NEGR1: variants seen among roughly 807,000 people sequenced by gnomAD.
The protein encoded by NEGR1 is IgLON family member 4.
A neutral mutation model predicts 40.9 loss-of-function variants in NEGR1; 10 were observed. That is an observed-to-expected ratio of 0.24 (90% CI 0.15 to 0.42). NEGR1 has a LOEUF of 0.42. Among genes scored for constraint, NEGR1 ranks in the 10% least tolerant of loss-of-function variants. The pLI is 1.00. For missense variants in NEGR1, 352 were observed against 438.9 expected (o/e 0.80, Z 1.77); for synonymous variants, 185 against 166.8 (o/e 1.11, Z -0.84).
intron 1 of NEGR1, among the ~76,000 whole-genome samples, chr1:72,177,210 A>G (rs1314453917): frequency 6.6e-6 from 1 of 152,092 alleles, no homozygotes; most frequent in East Asian, 1.9e-4. Context: ...TGAGGCAAGA[A>G]GAAGGTATGC....
At chr1:71,909,077 T>C (rs901688057) in intron 2 of NEGR1, among the ~76,000 whole-genome samples, 1 of 152,180 alleles carries the variant, frequency 6.6e-6, no homozygotes. Flanking sequence ...GCTGCTGAGA[T>C]ACTTGAAGAA....
chr1:71,691,710 C>T (rs1653287390), intron 4 of NEGR1, among the ~76,000 whole-genome samples: 1 of 151,736 alleles, frequency 6.6e-6, no homozygotes, highest in African/African-American at 2.4e-5. Context: ...ACTCTCACCT[C>T]ATCCGGTCCT....
chr1:71,426,354 G>T (rs1175775835), intron 6 of NEGR1, among the ~76,000 whole-genome samples: 1 of 152,102 alleles, frequency 6.6e-6, no homozygotes, highest in Non-Finnish European at 1.5e-5. Flanking sequence ...ACAGAGAAAA[G>T]AATAAATGTA....
chr1:72,162,839 C>T (rs1651626897), intron 1 of NEGR1, among the ~76,000 whole-genome samples: 1 of 152,126 alleles, frequency 6.6e-6, no homozygotes, highest in African/African-American at 2.4e-5. Flanking sequence ...GTTCATTAAA[C>T]AACAAATACT....
rs191039586 is a variant in NEGR1 at position 71,847,496 on chromosome 1, T to C, written c.410-71199A>G. On this transcript the variant is annotated intron_variant, in intron 2 of 6. Transcript: ENST00000357731. ...GTTTTAAGCATTTTCATAATTATTA[T>C]ACGTGTTTTAGTGATTTGTGATCAG... 3.3e-3 allele frequency among the ~76,000 whole-genome samples: 498 copies of C among 152,322 alleles called. 3 individuals are homozygous for C. The highest frequency in any genetic ancestry group is 3.8e-3 in the Non-Finnish European group (261 of 68,030).
chr1:71,641,971 T>C (rs572092358), intron 4 of NEGR1, among the ~76,000 whole-genome samples: 2 of 152,178 alleles, frequency 1.3e-5, no homozygotes, highest in African/African-American at 4.8e-5. Flanking sequence ...ATGATCCATA[T>C]GCTTGGGGCC....
intron 1 of NEGR1, among the ~76,000 whole-genome samples, chr1:72,177,776 T>G (rs1364293380): frequency 3.3e-4 from 50 of 151,888 alleles, no homozygotes; most frequent in Admixed American, 3.0e-3. Flanking sequence ...TTTTGTTTTT[T>G]TTTTTTTGCT....
At chr1:71,499,539 AC>A (rs1393771049) in intron 6 of NEGR1, among the ~76,000 whole-genome samples, 3 of 148,918 alleles carry the variant, frequency 2.0e-5, no homozygotes, top group African/African-American at 7.3e-5. Context: ...ATTAGTGTTT[AC>A]CATATGCTGG....
intron 1 of NEGR1, among the ~76,000 whole-genome samples, chr1:72,131,858 A>T (rs1650265586): frequency 6.6e-6 from 1 of 152,118 alleles, no homozygotes; most frequent in East Asian, 1.9e-4. Flanking sequence ...GCACTTTGGG[A>T]GGCTGAGATG....
chr1:71,985,003 T>A (rs1302765882), intron 1 of NEGR1, among the ~76,000 whole-genome samples: 1 of 152,150 alleles, frequency 6.6e-6, no homozygotes, highest in Non-Finnish European at 1.5e-5. Flanking sequence ...ATTTTTCAGA[T>A]GAGGAACTTG....
At chr1:71,907,547 T>C (rs1281248050) in intron 2 of NEGR1, among the ~76,000 whole-genome samples, 1 of 152,132 alleles carries the variant, frequency 6.6e-6, no homozygotes, top group Non-Finnish European at 1.5e-5. Flanking sequence ...GAAACACTAA[T>C]ATATTGTTGG....
At chr1:71,817,722 G>GTAGTGA (rs1457752234) in intron 2 of NEGR1, among the ~76,000 whole-genome samples, 1 of 152,068 alleles carries the variant, frequency 6.6e-6, no homozygotes, top group Non-Finnish European at 1.5e-5. Context: ...GTGTGAGGAT[G>GTAGTGA]TAGTGATAGA....
chr1:71,454,594 T>A (rs1646657661), intron 6 of NEGR1, among the ~76,000 whole-genome samples: 1 of 152,130 alleles, frequency 6.6e-6, no homozygotes, highest in South Asian at 2.1e-4. Context: ...ACAATGTGGA[T>A]CCCCATATCC....
intron 1 of NEGR1, among the ~76,000 whole-genome samples, chr1:72,156,241 T>C (rs1451350966): frequency 2.0e-5 from 3 of 152,180 alleles, no homozygotes; most frequent in African/African-American, 7.2e-5. Flanking sequence ...CTATTATGAA[T>C]AATCCTTTGG....
chr1:71,698,003 C>T lies in NEGR1; in HGVS notation c.667+5G>A. On this transcript the variant is annotated splice_donor_5th_base_variant and intron_variant, in intron 4 of 6. Transcript: ENST00000357731. ...CTTATCTTGATAAAAGGTGATGACA[C>T]TTACAGTTGACAACAACTTTTACTT... is the stretch of plus-strand genomic sequence containing the variant. The T allele has an allele frequency of 6.2e-7, 1 of 1,609,888 alleles. No homozygotes were observed. Among genetic ancestry groups the T allele is most frequent in the Non-Finnish European group, 8.5e-7 (1 of 1,177,520 alleles).
intron 1 of NEGR1, among the ~76,000 whole-genome samples, chr1:72,128,504 T>G (rs1266730662): frequency 6.6e-6 from 1 of 152,184 alleles, no homozygotes; most frequent in Non-Finnish European, 1.5e-5. Context: ...TCACAAGTTA[T>G]GTGAAATAAG....
At chr1:71,463,146 A>G (rs560794021) in intron 6 of NEGR1, among the ~76,000 whole-genome samples, 2 of 152,296 alleles carry the variant, frequency 1.3e-5, no homozygotes, top group East Asian at 3.9e-4. Flanking sequence ...GTTGGATGCG[A>G]GAGAGCAGTA....
intron 6 of NEGR1, among the ~76,000 whole-genome samples, chr1:71,500,507 G>A (rs748440164): frequency 1.3e-5 from 2 of 151,964 alleles, no homozygotes; most frequent in South Asian, 2.1e-4. Context: ...GATCTTCTTT[G>A]CCTGTGTAAA....
intron 6 of NEGR1, 29 bp from the exon 7 acceptor site, chr1:71,407,599 A>T (rs1417024212): frequency 6.2e-7 from 1 of 1,608,322 alleles, no homozygotes; most frequent in South Asian, 1.1e-5. Flanking sequence ...GATTAAATCA[A>T]AATCTAATTT....
Sources: allele counts gnomAD v4.1 joint callset (sites outside exome capture counted in the v4.1 genomes callset), GRCh38; gene constraint gnomAD v4.1.1; transcripts MANE v1.5; gene names NCBI Gene and HGNC (gene_info 2026-07-23, HGNC 2026-07-21).